The following CIROZ variants were observed in gnomAD, a reference collection of about 807,000 sequenced individuals.
The protein encoded by CIROZ is ciliated left-right organizer protein containing ZP-N domains, also known as ciliated left-right organizer ZP-N domains-containing protein.
chr1:10,957,028 G>A, the CIROZ span: 1 of 1,550,944 alleles, frequency 6.4e-7, no homozygotes, highest in Non-Finnish European at 8.7e-7. Context: ...CTTACCCGGT[G>A]GGCAAGCAGC....
At chr1:10,964,137 C>G in the CIROZ span, 3 of 1,613,766 alleles carry the variant, frequency 1.9e-6, no homozygotes, top group South Asian at 3.3e-5. Context: ...CCTGGATGAA[C>G]ATGGGCCCAC....
At chr1:10,947,804 A>C in the CIROZ span, 1 of 1,599,348 alleles carries the variant, frequency 6.3e-7, no homozygotes, top group Non-Finnish European at 8.6e-7. Flanking sequence ...AGGGGTATTC[A>C]AGCTCCACCA....
At chr1:10,977,695 G>A in the CIROZ span, among the ~76,000 whole-genome samples, 5 of 152,080 alleles carry the variant, frequency 3.3e-5, no homozygotes, top group Admixed American at 6.6e-5. Flanking sequence ...ATTTATTTGC[G>A]TGTCCATAGG....
chr1:10,964,418 G>A, the CIROZ span: 24 of 950,014 alleles, frequency 2.5e-5, no homozygotes, highest in Admixed American at 2.5e-4. Flanking sequence ...TGGGAAACGA[G>A]ACCAAGGTCG....
chr1:10,949,528 G>A, the CIROZ span: 5 of 1,360,152 alleles, frequency 3.7e-6, no homozygotes, highest in African/African-American at 1.5e-5. Flanking sequence ...GGTGGTGAAA[G>A]AGAAGGGCCT....
At chr1:10,954,887 C>T in the CIROZ span, 11 of 1,277,702 alleles carry the variant, frequency 8.6e-6, no homozygotes, top group Non-Finnish European at 1.1e-5. Flanking sequence ...GCCACTGTGA[C>T]TGGCCTACCT....
At chr1:10,948,292 C>T in the CIROZ span, 2 of 1,613,868 alleles carry the variant, frequency 1.2e-6, no homozygotes, top group East Asian at 2.2e-5. Context: ...GAGCACGTTT[C>T]CTGGGGCTCT....
chr1:10,970,151 A>T, the CIROZ span: 1 of 1,383,708 alleles, frequency 7.2e-7, no homozygotes, highest in African/African-American at 1.5e-5. Context: ...GAAGGAAGGA[A>T]GGAAGAAAGG....
At chr1:10,967,370 C>G in the CIROZ span, among the ~76,000 whole-genome samples, 23 of 152,120 alleles carry the variant, frequency 1.5e-4, no homozygotes, top group African/African-American at 5.6e-4. Context: ...CTGGAACTCT[C>G]TTCTCCTAGA....
chr1:10,970,663 G>A, the CIROZ span, among the ~76,000 whole-genome samples: 2 of 152,034 alleles, frequency 1.3e-5, no homozygotes, highest in Non-Finnish European at 2.9e-5. Flanking sequence ...CAAGTAACCT[G>A]AGCACTTGTT....
the CIROZ span, chr1:10,948,502 C>T: frequency 1.2e-6 from 2 of 1,614,094 alleles, no homozygotes; most frequent in Non-Finnish European, 1.7e-6. Context: ...CTCACAGTTC[C>T]TAGACCTTCA....
chr1:10,972,152 G>A, the CIROZ span, among the ~76,000 whole-genome samples: 34 of 152,142 alleles, frequency 2.2e-4, no homozygotes, highest in Non-Finnish European at 2.9e-5. Flanking sequence ...CAACAGCATC[G>A]TGAGATTGTT....
the CIROZ span, among the ~76,000 whole-genome samples, chr1:10,957,951 G>C: frequency 6.6e-4 from 101 of 152,326 alleles, no homozygotes; most frequent in Admixed American, 1.2e-3. Context: ...CTTTAGGGTA[G>C]GAGGTCCCTT....
the CIROZ span, among the ~76,000 whole-genome samples, chr1:10,981,285 CA>C: frequency 2.0e-5 from 3 of 151,856 alleles, no homozygotes; most frequent in African/African-American, 4.8e-5. Context: ...CCTGTCTCTA[CA>C]AAAAAATTAA....
the CIROZ span, among the ~76,000 whole-genome samples, chr1:10,962,940 T>A: frequency 6.6e-6 from 1 of 151,746 alleles, no homozygotes; most frequent in South Asian, 2.1e-4. Context: ...GGCAACACAG[T>A]GAGACGCCGT....
the CIROZ span, among the ~76,000 whole-genome samples, chr1:10,980,394 ACCCGC>A: frequency 1.3e-5 from 2 of 152,206 alleles, no homozygotes; most frequent in Non-Finnish European, 1.5e-5. Context: ...ACGGCCGGGT[ACCCGC>A]CCTGGGCTCT....
chr1:10,973,208 A>G, the CIROZ span, among the ~76,000 whole-genome samples: 2 of 151,952 alleles, frequency 1.3e-5, no homozygotes, highest in Admixed American at 1.3e-4. Flanking sequence ...CCCCGTCTCT[A>G]CTAAAAATAC....
chr1:10,948,607 G>A, the CIROZ span: 6 of 1,614,030 alleles, frequency 3.7e-6, no homozygotes, highest in Non-Finnish European at 5.1e-6. Context: ...GAGGACACGG[G>A]CAGGGTCAGA....
the CIROZ span, among the ~76,000 whole-genome samples, chr1:10,952,913 C>T: frequency 6.6e-6 from 1 of 152,226 alleles, no homozygotes; most frequent in African/African-American, 2.4e-5. Flanking sequence ...TGCATGGGGC[C>T]TCATAAATCG....
Sources: gnomAD v4.1 joint callset for allele counts (sites outside exome capture counted in the v4.1 genomes callset) on GRCh38, gnomAD v4.1.1 for gene constraint, MANE v1.5 for transcripts, NCBI Gene and HGNC (gene_info 2026-07-23, HGNC 2026-07-21) for gene names.